Variants in IGDCC3 observed in about 807,000 individuals in gnomAD.
IGDCC3 encodes the protein putative neuronal cell adhesion molecule.
A neutral mutation model predicts 72.0 loss-of-function variants in IGDCC3; 47 were observed. That is an observed-to-expected ratio of 0.65 (90% CI 0.52 to 0.83). The LOEUF (loss-of-function observed/expected upper bound fraction) is 0.83, where lower values mean the gene tolerates loss of function less well. Among genes scored for constraint, IGDCC3 ranks in the 40% least tolerant of loss-of-function variants. IGDCC3 has a pLI of 0.00. For synonymous variants in IGDCC3, 477 were observed against 472.8 expected, an observed-to-expected ratio of 1.01 and a Z score of -0.11; for missense variants, 1,038 against 1,091.3, an observed-to-expected ratio of 0.95 and a Z score of 0.69.
In IGDCC3 at chr15:65,329,256, G is replaced by T; in HGVS notation, c.2206-108C>A. On this transcript the variant is annotated intron_variant, in intron 13 of 13. Coordinates refer to ENST00000327987, the MANE Select transcript of IGDCC3 (RefSeq NM_004884.4). The surrounding 1 kb of genome is among the most constrained non-coding windows in gnomAD (Gnocchi z 4.1). ...CTCCAGGTCTCCCTGCCTGACTCAG[G>T]GACACAAAGAGAAGACCTGCAGTTT... 7 of 1,498,802 alleles carry T rather than the reference G, an allele frequency of 4.7e-6. 1 individual carries two copies. In the South Asian group the frequency reaches 9.2e-5, roughly 20 times the overall value. 92.8% of individuals were successfully genotyped at this position (1,498,802 alleles called of 1,614,324 possible). A position where few individuals can be genotyped will look rare whatever the true frequency, so the allele number is the denominator to read the frequency against.
intron 2 of IGDCC3, among the ~76,000 whole-genome samples, chr15:65,336,689 G>A (rs2091032096): frequency 6.6e-6 from 1 of 152,050 alleles, no homozygotes; most frequent in African/African-American, 2.4e-5. Flanking sequence ...CCCACCTTTT[G>A]GGGATCTGAA....
In IGDCC3 at chr15:65,334,822, C is replaced by A. The variant is rs1044051873; in HGVS notation, c.729G>T (p.Gly243=). The change falls in exon 5 of 14, where the codon GGG becomes GGT. Residue 243 remains glycine, a synonymous_variant. Coordinates refer to ENST00000327987, the MANE Select transcript of IGDCC3 (RefSeq NM_004884.4). ...GCACTGTCAGGGTGAGGTTCTCAGG[C>A]CCCACGAGGATGGCTGGCTCCTTGT... ...GAYKEPAILV[G]PENLTLTVHQ... is the part of the protein sequence containing the mutation. The A allele has an allele frequency of 6.2e-7, 1 of 1,613,122 alleles. No individual in the cohort carries two copies. Among genetic ancestry groups the A allele is most frequent in the Non-Finnish European group, 8.5e-7 (1 of 1,179,618 alleles).
chr15:65,359,240 T>C (rs1345285318), intron 2 of IGDCC3, among the ~76,000 whole-genome samples: 1 of 152,224 alleles, frequency 6.6e-6, no homozygotes, highest in Non-Finnish European at 1.5e-5. Flanking sequence ...TGAGAGTATG[T>C]GTCCTTTTTT....
chr15:65,344,274 G>A (rs952917538), intron 2 of IGDCC3, among the ~76,000 whole-genome samples: 2 of 152,074 alleles, frequency 1.3e-5, no homozygotes, highest in African/African-American at 4.8e-5. Flanking sequence ...CTGGGACTTT[G>A]CCTAGTGACC....
At chr15:65,366,799 C>T (rs1339644548) in intron 2 of IGDCC3, among the ~76,000 whole-genome samples, 2 of 152,222 alleles carry the variant, frequency 1.3e-5, no homozygotes, top group African/African-American at 4.8e-5. Context: ...GCTCAGCCCC[C>T]AGCTTCCCAC....
chr15:65,352,257 A>G (rs1304015861), intron 2 of IGDCC3, among the ~76,000 whole-genome samples: 3 of 152,212 alleles, frequency 2.0e-5, no homozygotes, highest in African/African-American at 7.2e-5. Flanking sequence ...AATTTGGAAC[A>G]TATTTGTTTC....
At chr15:65,337,803 G>A (rs554789949) in intron 2 of IGDCC3, among the ~76,000 whole-genome samples, 5 of 152,286 alleles carry the variant, frequency 3.3e-5, no homozygotes, top group East Asian at 3.9e-4. Flanking sequence ...CTGCTCCTTC[G>A]AAGATGGGGA....
At chr15:65,353,293 C>G (rs2091186404) in intron 2 of IGDCC3, among the ~76,000 whole-genome samples, 1 of 151,236 alleles carries the variant, frequency 6.6e-6, no homozygotes, top group African/African-American at 2.4e-5. Context: ...GCTCTGTCCC[C>G]AAGCTGGAGT....
chr15:65,356,847 G>GTTTTTTTTTTTTT (rs1189300061), intron 2 of IGDCC3, among the ~76,000 whole-genome samples: 20 of 61,780 alleles, frequency 3.2e-4, no homozygotes, highest in African/African-American at 7.1e-4. Context: ...GAATGGACCT[G>GTTTTTTTTTTTTT]CTTTTTTTTT....
chr15:65,329,735 T>A lies in IGDCC3; in HGVS notation c.1988A>T (p.Gln663Leu), dbSNP rs773570109. The part of the protein sequence containing the change: ...IFCVLFLLFG[Q>L]RGRVLLCKDV... ...CTGGCCCAGGACCCACCTGCCCCTT[T>A]GGCCGAACAGGAGGAAGAGGACACA... is the stretch of plus-strand genomic sequence containing the variant. The change falls in exon 12 of 14, where the codon CAA (glutamine) becomes CTA (leucine). Residue 663 changes from glutamine (Q) to leucine (L), a missense_variant. Physicochemically the swap from Gln to Leu is moderately radical, Grantham distance 113. Transcript: ENST00000327987. The surrounding 1 kb of genome is among the most constrained non-coding windows in gnomAD (Gnocchi z 4.1). 2 of 1,614,060 alleles carry A rather than the reference T, an allele frequency of 1.2e-6. No homozygotes were observed. The highest frequency in any genetic ancestry group is 1.7e-6 in the Non-Finnish European group (2 of 1,180,004).
chr15:65,334,087 T>G (rs1265104463), intron 5 of IGDCC3, among the ~76,000 whole-genome samples: 1 of 150,592 alleles, frequency 6.6e-6, no homozygotes, highest in Non-Finnish European at 1.5e-5. Flanking sequence ...TTATCCTGCC[T>G]GCTGCCCCCT....
At chr15:65,375,626 A>G (rs922932539) in intron 1 of IGDCC3, among the ~76,000 whole-genome samples, 1 of 152,214 alleles carries the variant, frequency 6.6e-6, no homozygotes, top group Non-Finnish European at 1.5e-5. Context: ...TCAGAGATAG[A>G]TATTATTTGT....
At chr15:65,376,512 A>G (rs2091359615) in intron 1 of IGDCC3, among the ~76,000 whole-genome samples, 1 of 152,252 alleles carries the variant, frequency 6.6e-6, no homozygotes, top group Admixed American at 6.5e-5. Context: ...TCCCCAGCAG[A>G]CTAGGGCCCT....
At chr15:65,346,525 C>T (rs72731331) in intron 2 of IGDCC3, among the ~76,000 whole-genome samples, 6,619 of 151,586 alleles carry the variant, frequency 0.044, 525 homozygotes, top group East Asian at 0.35. Context: ...GGCGCGATCT[C>T]GGCTCACTGC....
chr15:65,370,308 G>A (rs1254230686), intron 2 of IGDCC3, among the ~76,000 whole-genome samples: 1 of 151,640 alleles, frequency 6.6e-6, no homozygotes, highest in Non-Finnish European at 1.5e-5. Context: ...GAGGTCAGGA[G>A]TTAGAGACCA....
At position 65,333,324 on chromosome 15, in the gene IGDCC3, G is replaced by A. The variant is rs376799322; in HGVS notation, c.915C>T (p.Tyr305=). The change falls in exon 6 of 14, where the codon TAC becomes TAT. Residue 305 remains tyrosine, a synonymous_variant. Coordinates refer to ENST00000327987, the MANE Select transcript of IGDCC3 (RefSeq NM_004884.4). ...TGCCAGGTCTGTTGGCTGCACAGAC[G>A]TAGACGCCAGAGTGCTGGACCGTCA... is the stretch of plus-strand genomic sequence containing the variant. The part of the protein sequence containing the change: ...SDVTVQHSGV[Y]VCAANRPGTR... 1.2e-4 allele frequency: 188 copies of A among 1,613,222 alleles called. No homozygotes were observed. Among genetic ancestry groups the A allele is most frequent in the South Asian group, 2.2e-4 (20 of 90,984 alleles).
At chr15:65,359,045 C>T (rs557827804) in intron 2 of IGDCC3, among the ~76,000 whole-genome samples, 5 of 151,996 alleles carry the variant, frequency 3.3e-5, no homozygotes, top group Admixed American at 1.3e-4. Flanking sequence ...AGGCTGGTCT[C>T]GAAGTCCTAA....
intron 2 of IGDCC3, among the ~76,000 whole-genome samples, chr15:65,353,876 G>A (rs2091191988): frequency 2.0e-5 from 3 of 152,192 alleles, no homozygotes; most frequent in African/African-American, 2.4e-5. Context: ...CCTCAGGGCC[G>A]CTCTATGGAG....
At chr15:65,341,393 A>T (rs1214864790) in intron 2 of IGDCC3, among the ~76,000 whole-genome samples, 1 of 152,246 alleles carries the variant, frequency 6.6e-6, no homozygotes, top group Admixed American at 6.5e-5. Context: ...ACCCAAAAGA[A>T]CTGAAAGCAG....
Sources: gnomAD v4.1 joint callset for allele counts (sites outside exome capture counted in the v4.1 genomes callset) on GRCh38, gnomAD v4.1.1 for gene constraint, Gnocchi (gnomAD v3.1) non-coding constraint, MANE v1.5 for transcripts, NCBI Gene and HGNC (gene_info 2026-07-23, HGNC 2026-07-21) for gene names.